The following EFHD1 variants were observed in gnomAD, a reference collection of about 807,000 sequenced individuals.
EFHD1 encodes the protein EF-hand domain-containing protein D1.
In EFHD1, 10 loss-of-function variants were observed where a neutral mutation model predicts 17.2. The observed-to-expected ratio is 0.58, with a 90% confidence interval of 0.36 to 0.99. The LOEUF (loss-of-function observed/expected upper bound fraction) is 0.99. EFHD1 is among the 50% of genes least tolerant of loss of function. The pLI is 0.01. For synonymous variants in EFHD1, 153 were observed against 142.0 expected, an observed-to-expected ratio of 1.08 and a Z score of -0.55; for missense variants, 310 against 327.5, an observed-to-expected ratio of 0.95 and a Z score of 0.41.
intron 2 of EFHD1, 122 bp downstream of exon 2, chr2:232,663,071 G>T: frequency 8.7e-7 from 1 of 1,150,142 alleles, no homozygotes; most frequent in Non-Finnish European, 1.2e-6. Context: ...TATCTAACCT[G>T]CAATTCCGCT....
At chr2:232,609,951 G>A (rs1255779221) in intron 1 of EFHD1, among the ~76,000 whole-genome samples, 1 of 152,206 alleles carries the variant, frequency 6.6e-6, no homozygotes, top group Non-Finnish European at 1.5e-5. Flanking sequence ...CAAGGTCACT[G>A]TGGTTGCTCC....
At chr2:232,664,396 T>C (rs1182041139) in intron 2 of EFHD1, among the ~76,000 whole-genome samples, 1 of 151,920 alleles carries the variant, frequency 6.6e-6, no homozygotes, top group Non-Finnish European at 1.5e-5. Flanking sequence ...ATTATAGGCA[T>C]GAGCCACCTT....
intron 1 of EFHD1, among the ~76,000 whole-genome samples, chr2:232,642,086 A>G (rs539907016): frequency 2.3e-4 from 35 of 152,264 alleles, no homozygotes; most frequent in Admixed American, 5.9e-4. Flanking sequence ...AAAACTCCCA[A>G]TGAAAAAGAC....
At chr2:232,644,942 ATTTTTTT>A (rs752790323) in intron 1 of EFHD1, among the ~76,000 whole-genome samples, 1,207 of 114,364 alleles carry the variant, frequency 0.011, 30 homozygotes, top group East Asian at 0.093. Context: ...ATGCCTGGCA[ATTTTTTT>A]TTTTTTTTTT....
Position 232,662,937 on chromosome 2 carries a change from C to T in EFHD1, c.438C>T (p.Leu146=), listed in dbSNP as rs775542527. The change falls in exon 2 of 4, where the codon CTC becomes CTT. Residue 146 remains leucine (L), a synonymous_variant. Coordinates refer to ENST00000264059, the MANE Select transcript of EFHD1 (RefSeq NM_025202.4). ...KEVDEDFDGK[L]SFREFLLIFH... ...TGGATGAGGACTTCGATGGCAAGCTCAGCTTCCGGGAGGTACCTGCCTGCT... is the reference window on the plus strand; with the variant it reads ...TGGATGAGGACTTCGATGGCAAGCTTAGCTTCCGGGAGGTACCTGCCTGCT... 1.3e-6 allele frequency: 2 copies of T among 1,587,006 alleles called. No individual in the cohort carries two copies. Among genetic ancestry groups the T allele is most frequent in the Admixed American group, 3.7e-5 (2 of 54,270 alleles).
chr2:232,677,848 G>A (rs1262843620), intron 3 of EFHD1, among the ~76,000 whole-genome samples: 1 of 152,010 alleles, frequency 6.6e-6, no homozygotes, highest in African/African-American at 2.4e-5. Context: ...CAAACATATT[G>A]AAAAAGATAA....
intron 1 of EFHD1, among the ~76,000 whole-genome samples, chr2:232,620,468 C>T (rs1694000714): frequency 6.6e-6 from 1 of 151,246 alleles, no homozygotes; most frequent in Non-Finnish European, 1.5e-5. Context: ...TCATCACAGT[C>T]TTGAACTCCT....
chr2:232,674,138 A>G (rs1695129698), intron 3 of EFHD1, among the ~76,000 whole-genome samples: 1 of 152,062 alleles, frequency 6.6e-6, no homozygotes, highest in Non-Finnish European at 1.5e-5. Flanking sequence ...CAAACTCCTG[A>G]CCTCGTGATC....
intron 1 of EFHD1, among the ~76,000 whole-genome samples, chr2:232,643,688 T>TTTG (rs944004868): frequency 6.6e-6 from 1 of 151,528 alleles, no homozygotes; most frequent in Admixed American, 6.6e-5. Flanking sequence ...TTTGTTTGTT[T>TTTG]TTGTTGTTGT....
chr2:232,662,683 G>A (rs1694895212), intron 1 of EFHD1, 119 bp from the exon 2 acceptor site: 2 of 1,377,726 alleles, frequency 1.5e-6, no homozygotes, highest in Non-Finnish European at 1.9e-6. Context: ...ACCCACATTG[G>A]CCTCGCAGAG....
At chr2:232,614,057 T>TACACATGCACACACACATATAC (rs1553594264) in intron 1 of EFHD1, among the ~76,000 whole-genome samples, 6 of 149,892 alleles carry the variant, frequency 4.0e-5, no homozygotes, top group African/African-American at 7.5e-5. Context: ...CACACATACA[T>TACACATGCACACACACATATAC]ACACATGCAC....
At chr2:232,667,267 C>T (rs920243548) in intron 2 of EFHD1, among the ~76,000 whole-genome samples, 4 of 152,116 alleles carry the variant, frequency 2.6e-5, no homozygotes, top group South Asian at 2.1e-4. Context: ...ATGGATGGAC[C>T]GCTGGTCTGA....
intron 3 of EFHD1, among the ~76,000 whole-genome samples, chr2:232,676,713 G>A (rs1435024799): frequency 6.6e-6 from 1 of 152,188 alleles, no homozygotes; most frequent in African/African-American, 2.4e-5. Context: ...AAGGATTAGA[G>A]ATTGACCTAT....
chr2:232,615,493 C>T (rs558332998), intron 1 of EFHD1, among the ~76,000 whole-genome samples: 1 of 151,958 alleles, frequency 6.6e-6, no homozygotes, highest in Admixed American at 6.6e-5. Context: ...TCCCTGCCTG[C>T]TCTTGTTTAT....
intron 1 of EFHD1, among the ~76,000 whole-genome samples, chr2:232,617,386 C>A (rs983808927): frequency 6.6e-6 from 1 of 152,132 alleles, no homozygotes; most frequent in Non-Finnish European, 1.5e-5. Flanking sequence ...CGCAGTGGCT[C>A]ACGCTTTAAT....
intron 1 of EFHD1, 180 bp from the exon 2 acceptor site, chr2:232,662,622 T>A: frequency 1.5e-6 from 1 of 667,602 alleles, no homozygotes; most frequent in Non-Finnish European, 2.3e-6. Context: ...CTTTGAGTCA[T>A]ACAAAGCCCT....
chr2:232,675,084 G>C (rs1464483372), intron 3 of EFHD1, among the ~76,000 whole-genome samples: 2 of 151,890 alleles, frequency 1.3e-5, no homozygotes, highest in Non-Finnish European at 2.9e-5. Context: ...GCTGAGGCAG[G>C]AGAATTGCTT....
intron 1 of EFHD1, 143 bp from the exon 2 acceptor site, chr2:232,662,659 C>A: frequency 9.0e-7 from 1 of 1,107,034 alleles, no homozygotes; most frequent in East Asian, 3.0e-5. Flanking sequence ...AGAGGGGTTC[C>A]TCTGGAGCAG....
intron 1 of EFHD1, among the ~76,000 whole-genome samples, chr2:232,648,608 C>A (rs1694577315): frequency 6.6e-6 from 1 of 152,036 alleles, no homozygotes; most frequent in African/African-American, 2.4e-5. Context: ...CCCAGGAGGG[C>A]CCCTGGGAAG....
Sources: gnomAD v4.1 joint callset for allele counts (sites outside exome capture counted in the v4.1 genomes callset) on GRCh38, gnomAD v4.1.1 for gene constraint, MANE v1.5 for transcripts, NCBI Gene and HGNC (gene_info 2026-07-23, HGNC 2026-07-21) for gene names.